The following MBTPS1 variants were observed in gnomAD, a reference collection of about 807,000 sequenced individuals.
MBTPS1 encodes membrane bound transcription factor peptidase, site 1.
Under a neutral mutation model 127.8 loss-of-function variants are expected in MBTPS1, and 94 were observed. The observed-to-expected ratio is 0.74, with a 90% CI of 0.62 to 0.87. The LOEUF is 0.87. Among genes scored for constraint, MBTPS1 ranks in the 40% least tolerant of loss-of-function variants. MBTPS1 has a pLI of 0.00. For synonymous variants in MBTPS1, 632 were observed against 509.4 expected, an observed-to-expected ratio of 1.24 and a Z score of -3.24; for missense variants, 1,636 against 1,353.2, an observed-to-expected ratio of 1.21 and a Z score of -3.28.
chr16:84,070,302 G>C (rs2085751407), intron 13 of MBTPS1, among the ~76,000 whole-genome samples: 1 of 152,198 alleles, frequency 6.6e-6, no homozygotes, highest in South Asian at 2.1e-4. Context: ...TCCTTTTAGA[G>C]AATGTATATT....
At chr16:84,068,007 G>A (rs553644810) in intron 15 of MBTPS1, among the ~76,000 whole-genome samples, 184 bp from the exon 16 acceptor site, 18 of 152,358 alleles carry the variant, frequency 1.2e-4, no homozygotes, top group East Asian at 3.9e-4. Flanking sequence ...AATACACAGC[G>A]ACTAACTGTG....
At chr16:84,093,612 G>A in intron 5 of MBTPS1, 99 bp downstream of exon 5, 2 of 876,924 alleles carry the variant, frequency 2.3e-6, no homozygotes, top group Admixed American at 2.0e-5. Flanking sequence ...ATAACACCTT[G>A]GGCTTGTCTG....
chr16:84,102,996 T>G (rs2086278157), intron 1 of MBTPS1, among the ~76,000 whole-genome samples: 1 of 152,200 alleles, frequency 6.6e-6, no homozygotes, highest in Non-Finnish European at 1.5e-5. Flanking sequence ...TGAGGGAAAC[T>G]ACTGCTAAAG....
chr16:84,057,281 G>A (rs567969000), intron 21 of MBTPS1: 1 of 152,364 alleles, frequency 6.6e-6, no homozygotes, highest in South Asian at 2.1e-4. Flanking sequence ...TAAACTGACA[G>A]TGTTAAGTTA....
chr16:84,095,886 A>G, intron 3 of MBTPS1, 81 bp from the exon 4 acceptor site: 1 of 1,117,802 alleles, frequency 8.9e-7, no homozygotes, highest in Non-Finnish European at 1.3e-6. Context: ...TATCCTAAAC[A>G]CAGGGAGGAT....
chr16:84,059,626 G>C (rs1205321479), intron 20 of MBTPS1, 198 bp from the exon 21 acceptor site: 3 of 477,286 alleles, frequency 6.3e-6, no homozygotes, highest in Non-Finnish European at 1.1e-5. Context: ...TGTTTCCATT[G>C]CTGAAGGTGG....
chr16:84,106,774 T>C (rs1007594005), intron 1 of MBTPS1, among the ~76,000 whole-genome samples: 3 of 152,170 alleles, frequency 2.0e-5, no homozygotes, highest in Non-Finnish European at 4.4e-5. Context: ...AGGACTTCCG[T>C]ACAAGAGCCA....
rs377681801 is a variant in MBTPS1, at chr16:84,065,631, C to CG, written c.2431+58dup. ...CAGAGATGAGAGACAGAGAGAGAAG[C>CG]GGGGGAAAAGGGAGCGAGAGAAAGA... On this transcript the variant is annotated intron_variant, in intron 18 of 22. Transcript: ENST00000343411. The CG allele has an allele frequency of 6.3e-5, 68 of 1,082,064 alleles. No individual in the cohort carries two copies. The African/African-American group carries it at 8.2e-4, about 13-fold the overall frequency. The allele number at this position is 1,082,064 out of a possible 1,614,324, so 67.0% of individuals were successfully genotyped here.
chr16:84,081,433 C>A (rs568638464), intron 11 of MBTPS1: 6 of 179,208 alleles, frequency 3.3e-5, no homozygotes, highest in Non-Finnish European at 7.0e-5. Context: ...ACAACTCTCT[C>A]CTATTTCTGC....
intron 1 of MBTPS1, among the ~76,000 whole-genome samples, chr16:84,108,469 G>A (rs568863178): frequency 2.0e-5 from 3 of 152,282 alleles, no homozygotes; most frequent in African/African-American, 7.2e-5. Flanking sequence ...TTGCCATGCT[G>A]GCCAGGCTGG....
intron 17 of MBTPS1, 76 bp from the exon 18 acceptor site, chr16:84,065,843 C>T: frequency 1.2e-6 from 1 of 801,944 alleles, no homozygotes; most frequent in South Asian, 1.9e-5. Context: ...CTCGTTTACC[C>T]AAAATACATT....
At chr16:84,067,224 T>A (rs1025146835) in intron 16 of MBTPS1, among the ~76,000 whole-genome samples, 1 of 152,212 alleles carries the variant, frequency 6.6e-6, no homozygotes, top group Admixed American at 6.5e-5. Flanking sequence ...AAGTATCTCA[T>A]ATCTAAGATT....
chr16:84,114,525 T>C (rs1419701373), intron 1 of MBTPS1, among the ~76,000 whole-genome samples: 1 of 151,958 alleles, frequency 6.6e-6, no homozygotes, highest in Non-Finnish European at 1.5e-5. Context: ...AACTTCCTTA[T>C]TTTACTTTAA....
chr16:84,065,330 G>C (rs1021741014), intron 18 of MBTPS1, among the ~76,000 whole-genome samples: 1 of 152,096 alleles, frequency 6.6e-6, no homozygotes, highest in African/African-American at 2.4e-5. Flanking sequence ...TGTTAGCCAG[G>C]ATGGTCTCGA....
intron 1 of MBTPS1, among the ~76,000 whole-genome samples, chr16:84,106,019 G>A (rs888125455): frequency 1.3e-5 from 2 of 152,168 alleles, no homozygotes; most frequent in African/African-American, 4.8e-5. Context: ...AAACAGCTAG[G>A]CACGATGGGT....
chr16:84,087,713 T>C (rs1042622850), intron 8 of MBTPS1, among the ~76,000 whole-genome samples: 3 of 152,136 alleles, frequency 2.0e-5, no homozygotes, highest in South Asian at 2.1e-4. Flanking sequence ...CCCTGTCAAC[T>C]TGGCACACTG....
rs553255835 is a variant in MBTPS1, at chr16:84,059,150, A to G, written c.2831+152T>C. The G allele has an allele frequency of 8.1e-5, 81 of 994,912 alleles. 1 individual carries two copies. The African/African-American group carries it at 1.1e-3, about 14-fold the overall frequency. 61.6% of individuals were successfully genotyped at this position (994,912 alleles called of 1,614,324 possible). A position where few individuals can be genotyped will look rare whatever the true frequency, so the allele number is the denominator to read the frequency against. ...CCAAAGAGCCTATTTCCAAAGGCCA[A>G]TACGAGGTTCACTAAATAACTGTCG... On this transcript the variant is annotated intron_variant, in intron 21 of 22. Transcript: ENST00000343411.
chr16:84,101,705 T>C lies in MBTPS1; in HGVS notation c.79A>G (p.Lys27Glu), dbSNP rs757589326. 2.5e-6 allele frequency: 4 copies of C among 1,614,142 alleles called. No homozygotes were observed. The highest frequency in any genetic ancestry group is 2.2e-5 in the East Asian group (1 of 44,878). ...GKKHLGDRLE[K>E]KSFEKAPCPG... ...CATGGGGCCTTTTCAAAAGATTTCT[T>C]TTCCAGTCTGTCGCCCAGATGTTTC... The change falls in exon 2 of 23, where the codon AAG becomes GAG. Residue 27 changes from lysine (K) to glutamate (E), a missense_variant. By Grantham distance (56) the Lys-to-Glu change is moderately conservative (BLOSUM62 1). Coordinates refer to ENST00000343411, the MANE Select transcript of MBTPS1 (RefSeq NM_003791.4).
chr16:84,059,156 G>C (rs1186294310), intron 21 of MBTPS1, 146 bp downstream of exon 21: 13 of 1,051,078 alleles, frequency 1.2e-5, no homozygotes, highest in Non-Finnish European at 1.8e-5. Context: ...GCCAATACGA[G>C]GTTCACTAAA....
Sources: allele counts gnomAD v4.1 joint callset (sites outside exome capture counted in the v4.1 genomes callset), GRCh38; gene constraint gnomAD v4.1.1; transcripts MANE v1.5; gene names NCBI Gene and HGNC (gene_info 2026-07-23, HGNC 2026-07-21).